Variants in IFT88 observed in about 807,000 individuals in gnomAD.
IFT88 encodes the protein intraflagellar transport 88.
IFT88 carries 74 observed loss-of-function variants against 119.5 expected under a neutral mutation model. The ratio of observed to expected loss-of-function variants is 0.62; its 90% CI spans 0.51 to 0.75. IFT88 has a LOEUF of 0.75. IFT88 is among the 30% of genes least tolerant of loss of function. The probability of loss-of-function intolerance (pLI) is 0.00; values close to 1 mark genes in which losing one functional copy is unlikely to be tolerated. For missense variants in IFT88, 961 were observed against 977.7 expected (o/e 0.98, Z 0.23); for synonymous variants, 279 against 316.7 (o/e 0.88, Z 1.26).
At chr13:20,637,610 G>A (rs1005878453) in intron 16 of IFT88, among the ~76,000 whole-genome samples, 3 of 152,174 alleles carry the variant, frequency 2.0e-5, no homozygotes, top group African/African-American at 7.2e-5. Context: ...CCCTTGGAGT[G>A]GAGTAAGTGA....
intron 22 of IFT88, among the ~76,000 whole-genome samples, chr13:20,656,905 C>T (rs2052905168): frequency 6.6e-6 from 1 of 152,160 alleles, no homozygotes; most frequent in African/African-American, 2.4e-5. Flanking sequence ...GTTGCCCAGG[C>T]TAGAGTGCAG....
Position 20,597,134 on chromosome 13 carries a change from A to G in IFT88, c.594+15A>G, listed in dbSNP as rs2041782319. On this transcript the variant is annotated intron_variant, in intron 9 of 25. Transcript: ENST00000351808. ...TAACTTACTCAGTAAGTATTGAAAT[A>G]TAACACAATTTTTAAATAAAATTTT... 7.0e-7 allele frequency: 1 copy of G among 1,423,110 alleles called. No individual in the cohort carries two copies. Among genetic ancestry groups the G allele is most frequent in the Non-Finnish European group, 9.7e-7 (1 of 1,033,238 alleles). 88.2% of individuals were successfully genotyped at this position (1,423,110 alleles called of 1,614,324 possible). A position where few individuals can be genotyped will look rare whatever the true frequency, so the allele number is the denominator to read the frequency against.
At chr13:20,652,139 G>A (rs980770006) in intron 20 of IFT88, among the ~76,000 whole-genome samples, 30 of 152,268 alleles carry the variant, frequency 2.0e-4, no homozygotes, top group African/African-American at 6.5e-4. Context: ...TTTGGAGATC[G>A]TGGTGATGGT....
At chr13:20,575,522 G>A (rs1370627177) in intron 2 of IFT88, among the ~76,000 whole-genome samples, 1 of 152,114 alleles carries the variant, frequency 6.6e-6, no homozygotes, top group Non-Finnish European at 1.5e-5. Flanking sequence ...GAGACCTGGT[G>A]GGAGGCGATA....
chr13:20,591,055 T>A, intron 5 of IFT88, 35 bp downstream of exon 5: 1 of 1,494,454 alleles, frequency 6.7e-7, no homozygotes, highest in Non-Finnish European at 9.2e-7. Flanking sequence ...TTTTGTGCCT[T>A]TCTTGTGACT....
At chr13:20,609,560 T>C (rs2044104392) in intron 13 of IFT88, among the ~76,000 whole-genome samples, 1 of 151,994 alleles carries the variant, frequency 6.6e-6, no homozygotes, top group Non-Finnish European at 1.5e-5. Flanking sequence ...CTGGCCAATG[T>C]GGTGAAATCT....
At chr13:20,671,670 C>CT (rs1452648824) in intron 24 of IFT88, among the ~76,000 whole-genome samples, 5 of 152,174 alleles carry the variant, frequency 3.3e-5, no homozygotes, top group Non-Finnish European at 5.9e-5. Context: ...AACAATCTAC[C>CT]TTCTTTCTCT....
rs1207144939 is a variant in IFT88 at position 20,691,090 on chromosome 13, A to G, written c.2390A>G (p.Glu797Gly). The change falls in exon 26 of 26, where the codon GAA becomes GGA. Residue 797 changes from glutamate to glycine, a missense_variant. By Grantham distance (98) the Glu-to-Gly change is moderately conservative. Coordinates refer to ENST00000351808, the MANE Select transcript of IFT88 (RefSeq NM_006531.5). ...SYVDPLGPQI[E>G]RPKTAAKKRI... ...GTGGACCCACTTGGCCCTCAAATAG[A>G]ACGACCAAAAACTGCAGCCAAGAAA... 7 of 1,613,962 alleles carry G rather than the reference A, an allele frequency of 4.3e-6. No homozygotes were observed. In the Admixed American group the frequency reaches 1.2e-4, roughly 27 times the overall value.
At chr13:20,649,072 C>T (rs1255473285) in intron 20 of IFT88, among the ~76,000 whole-genome samples, 2 of 152,142 alleles carry the variant, frequency 1.3e-5, no homozygotes, top group Non-Finnish European at 2.9e-5. Context: ...TAGTTTGAGA[C>T]TTAATACTTT....
At chr13:20,578,428 A>T (rs1237573352) in intron 2 of IFT88, among the ~76,000 whole-genome samples, 2 of 125,086 alleles carry the variant, frequency 1.6e-5, no homozygotes, top group African/African-American at 6.3e-5. Context: ...GGATTTCTTC[A>T]TGGTTCAATC....
Position 20,601,495 on chromosome 13 carries a change from C to T in IFT88, c.813-210C>T, listed in dbSNP as rs565295179. ...AAATAAGGATGTGGTTATAGTTCCA[C>T]AACTATATAAATACAGCAATAATTA... On this transcript the variant is annotated intron_variant, in intron 11 of 25. Transcript: ENST00000351808. 1.6e-4 allele frequency among the ~76,000 whole-genome samples: 24 copies of T among 152,082 alleles called. No individual in the cohort carries two copies. In the South Asian group the frequency reaches 5.0e-3, roughly 32 times the overall value.
intron 14 of IFT88, among the ~76,000 whole-genome samples, chr13:20,618,344 G>A (rs1283855480): frequency 6.6e-6 from 1 of 152,154 alleles, no homozygotes; most frequent in Admixed American, 6.5e-5. Context: ...GGGTTCTGAG[G>A]TCTGGAGTGA....
At chr13:20,672,180 G>C (rs976079059) in intron 24 of IFT88, among the ~76,000 whole-genome samples, 1 of 152,136 alleles carries the variant, frequency 6.6e-6, no homozygotes, top group Non-Finnish European at 1.5e-5. Flanking sequence ...TGAAATTCAA[G>C]GAGTCTTCGT....
intron 23 of IFT88, among the ~76,000 whole-genome samples, chr13:20,663,898 A>G (rs775723935): frequency 6.6e-6 from 1 of 152,226 alleles, no homozygotes; most frequent in Non-Finnish European, 1.5e-5. Context: ...TAATTTGAAG[A>G]CATAATTTTA....
At chr13:20,573,039 G>A (rs2036684800) in intron 1 of IFT88, among the ~76,000 whole-genome samples, 2 of 152,020 alleles carry the variant, frequency 1.3e-5, no homozygotes, top group South Asian at 4.1e-4. Context: ...ATAAAGCTAT[G>A]ACAAAGAAAA....
intron 15 of IFT88, among the ~76,000 whole-genome samples, chr13:20,629,004 T>A (rs1054635351): frequency 3.2e-4 from 49 of 151,888 alleles, no homozygotes; most frequent in Middle Eastern, 3.4e-3. Context: ...CTCCTTTTTT[T>A]AAAAAAAAAT....
rs764031160 is a variant in IFT88, at chr13:20,591,706, A to C, written c.328+25A>C. 11 of 1,500,080 alleles carry C rather than the reference A, an allele frequency of 7.3e-6. No individual in the cohort carries two copies. The African/African-American group carries it at 1.3e-4, about 17-fold the overall frequency. 92.9% of individuals were successfully genotyped at this position (1,500,080 alleles called of 1,614,324 possible). A position where few individuals can be genotyped will look rare whatever the true frequency, so the allele number is the denominator to read the frequency against. The stretch of plus-strand genomic sequence containing the variant: ...GGTTTGTTACACTGTCTCTACTAAT[A>C]ATCTTTTTTGGATCTTTTAATCTTT... On this transcript the variant is annotated intron_variant, in intron 6 of 25. Coordinates refer to ENST00000351808, the MANE Select transcript of IFT88 (RefSeq NM_006531.5).
chr13:20,571,215 C>G (rs1030050348), intron 1 of IFT88, among the ~76,000 whole-genome samples: 3 of 152,198 alleles, frequency 2.0e-5, no homozygotes, highest in East Asian at 1.9e-4. Flanking sequence ...AGGATGGTCT[C>G]GATCTCCTGA....
chr13:20,685,518 G>C (rs189118268), intron 24 of IFT88, among the ~76,000 whole-genome samples: 2 of 152,156 alleles, frequency 1.3e-5, no homozygotes, highest in Admixed American at 6.5e-5. Flanking sequence ...CTGCTGGGGG[G>C]AGTTCTAAGT....
Sources: gnomAD v4.1 joint callset for allele counts (sites outside exome capture counted in the v4.1 genomes callset) on GRCh38, gnomAD v4.1.1 for gene constraint, MANE v1.5 for transcripts, NCBI Gene and HGNC (gene_info 2026-07-23, HGNC 2026-07-21) for gene names.